The following DIAPH1 variants were observed in gnomAD, a reference collection of about 807,000 sequenced individuals.
DIAPH1 encodes protein diaphanous homolog 1.
DIAPH1 carries 46 observed loss-of-function variants against 140.7 expected under a neutral mutation model. The observed-to-expected ratio is 0.33, with a 90% confidence interval of 0.26 to 0.42. The LOEUF is 0.42. DIAPH1 is among the 10% of genes least tolerant of loss of function. DIAPH1 has a pLI of 1.00. For missense variants in DIAPH1, 1,310 were observed against 1,558.7 expected (o/e 0.84, Z 2.69); for synonymous variants, 565 against 551.6 (o/e 1.02, Z -0.34).
intron 18 of DIAPH1, among the ~76,000 whole-genome samples, chr5:141,536,864 A>C (rs1444102332): frequency 6.6e-6 from 1 of 152,130 alleles, no homozygotes; most frequent in Non-Finnish European, 1.5e-5. Flanking sequence ...AGAAGTAGGT[A>C]AAGACAGATC....
chr5:141,609,183 A>C (rs975975869), intron 1 of DIAPH1, among the ~76,000 whole-genome samples: 1 of 151,988 alleles, frequency 6.6e-6, no homozygotes, highest in East Asian at 1.9e-4. Flanking sequence ...AAAAAAAAAA[A>C]AAAACAGGCA....
At chr5:141,578,761 C>A in intron 9 of DIAPH1, 136 bp from the exon 10 acceptor site, 1 of 735,064 alleles carries the variant, frequency 1.4e-6, no homozygotes. Flanking sequence ...GACTTTTCTA[C>A]TATAGCAATG....
chr5:141,616,578 G>A (rs1015882961), intron 1 of DIAPH1, among the ~76,000 whole-genome samples: 1 of 152,148 alleles, frequency 6.6e-6, no homozygotes, highest in Admixed American at 6.5e-5. Context: ...GAAGTGGATT[G>A]CAATGCTCCT....
chr5:141,607,977 A>G (rs958300215), intron 1 of DIAPH1, among the ~76,000 whole-genome samples: 1 of 152,248 alleles, frequency 6.6e-6, no homozygotes, highest in Admixed American at 6.5e-5. Flanking sequence ...AGATGAAGAA[A>G]AGTAAAATAA....
chr5:141,615,401 G>A (rs1354746284), intron 1 of DIAPH1, among the ~76,000 whole-genome samples: 1 of 120,136 alleles, frequency 8.3e-6, no homozygotes, highest in Non-Finnish European at 1.7e-5. Context: ...CCACTGCACT[G>A]CAGCCTTGGA....
intron 27 of DIAPH1, chr5:141,518,819 G>T: frequency 1.1e-6 from 1 of 936,984 alleles, no homozygotes; most frequent in South Asian, 1.4e-5. Flanking sequence ...ACCACAGCCT[G>T]CCAAAGCCCA....
intron 1 of DIAPH1, among the ~76,000 whole-genome samples, chr5:141,609,168 C>CAAAAAAAAAAAAAA (rs11405338): frequency 1.2e-5 from 1 of 84,386 alleles, no homozygotes; most frequent in Admixed American, 1.1e-4. Context: ...TTACTAAATG[C>CAAAAAAAAAAAAAA]AAAAAAAAAA....
chr5:141,569,576 A>G (rs2099894847), intron 18 of DIAPH1, among the ~76,000 whole-genome samples: 1 of 152,100 alleles, frequency 6.6e-6, no homozygotes, highest in Non-Finnish European at 1.5e-5. Context: ...CAGCCTGCCC[A>G]ACATGGTAAA....
chr5:141,561,247 T>G, intron 18 of DIAPH1, among the ~76,000 whole-genome samples: 1 of 152,212 alleles, frequency 6.6e-6, no homozygotes, highest in East Asian at 1.9e-4. Context: ...GGGGTTATTG[T>G]AGGATCAGGA....
chr5:141,521,537 G>A (rs1417159706), intron 27 of DIAPH1, among the ~76,000 whole-genome samples: 1 of 152,092 alleles, frequency 6.6e-6, no homozygotes, highest in African/African-American at 2.4e-5. Context: ...ATGAGTCTTT[G>A]TATACTGGTC....
At chr5:141,518,529 CT>C (rs35159859) in intron 27 of DIAPH1, 114,108 of 138,408 alleles carry the variant, frequency 0.82, 47,048 homozygotes, top group Middle Eastern at 0.9. Context: ...GATAGCCCGT[CT>C]TTTTTTTTTT....
At chr5:141,539,176 C>T (rs1171385276) in intron 18 of DIAPH1, among the ~76,000 whole-genome samples, 1 of 151,786 alleles carries the variant, frequency 6.6e-6, no homozygotes, top group African/African-American at 2.4e-5. Context: ...ATTTGGGAGG[C>T]TGAGGCATGA....
At chr5:141,574,937 G>A (rs1210682241) in intron 15 of DIAPH1, 30 bp downstream of exon 15, 3 of 1,613,532 alleles carry the variant, frequency 1.9e-6, no homozygotes, top group Non-Finnish European at 2.5e-6. Flanking sequence ...GAGGTTACAG[G>A]TCATTCTGCC....
At position 141,587,113 on chromosome 5, in the gene DIAPH1, C is replaced by A; in HGVS notation, c.229G>T (p.Asp77Tyr). ...TGCAATGACTGTGCTGTGGGATCATCCCCATATGATGCAGAAGAATTTCTA... is the reference window on the plus strand; with the variant it reads ...TGCAATGACTGTGCTGTGGGATCATACCCATATGATGCAGAAGAATTTCTA... ...AHRNSSASYG[D>Y]DPTAQSLQDV... The change falls in exon 3 of 28, where the codon GAT becomes TAT. Residue 77 changes from aspartate to tyrosine, a missense_variant. Asp to Tyr is a radical substitution (Grantham distance 160, BLOSUM62 -3). Around this residue, in one of 3 missense-constraint regions of DIAPH1, gnomAD observed 377 missense variants for 497.1 expected, o/e 0.76. Transcript: ENST00000389054. 1 of 1,614,088 alleles carries A rather than the reference C, an allele frequency of 6.2e-7. No individual in the cohort carries two copies. Among genetic ancestry groups the A allele is most frequent in the African/African-American group, 1.3e-5 (1 of 75,044 alleles).
At chr5:141,548,555 C>T (rs1407270695) in intron 18 of DIAPH1, among the ~76,000 whole-genome samples, 1 of 152,114 alleles carries the variant, frequency 6.6e-6, no homozygotes, top group Non-Finnish European at 1.5e-5. Flanking sequence ...AACTGCATGA[C>T]ACCAGTAACT....
chr5:141,613,984 G>A (rs1174955134), intron 1 of DIAPH1, among the ~76,000 whole-genome samples: 2 of 152,220 alleles, frequency 1.3e-5, no homozygotes, highest in Admixed American at 1.3e-4. Flanking sequence ...AGGCAGCCAG[G>A]CAAGGGGAGA....
At chr5:141,577,067 TA>T (rs1165033708) in intron 12 of DIAPH1, among the ~76,000 whole-genome samples, 196 bp from the exon 13 acceptor site, 1 of 152,226 alleles carries the variant, frequency 6.6e-6, no homozygotes, top group African/African-American at 2.4e-5. Context: ...CTACTTCAAA[TA>T]ATCAAAACTT....
chr5:141,614,173 G>A (rs200526480), intron 1 of DIAPH1, among the ~76,000 whole-genome samples: 1 of 152,076 alleles, frequency 6.6e-6, no homozygotes, highest in African/African-American at 2.4e-5. Flanking sequence ...GATGATTTTT[G>A]TAGCCATAAA....
chr5:141,555,888 CA>C (rs2099892493), intron 18 of DIAPH1, among the ~76,000 whole-genome samples: 1 of 152,114 alleles, frequency 6.6e-6, no homozygotes, highest in South Asian at 2.1e-4. Flanking sequence ...CTATAGTTTC[CA>C]AACTAGACAT....
Sources: gnomAD v4.1 joint callset for allele counts (sites outside exome capture counted in the v4.1 genomes callset) on GRCh38, gnomAD v4.1.1 for gene constraint, gnomAD v4.1.1 regional missense constraint, MANE v1.5 for transcripts, NCBI Gene and HGNC (gene_info 2026-07-23, HGNC 2026-07-21) for gene names.